Variants in KCNMA1 observed in about 807,000 individuals in gnomAD.
KCNMA1 encodes the protein potassium calcium-activated channel subfamily M alpha 1, also known as Calcium-activated potassium channel subunit alpha-1.
KCNMA1 carries 29 observed loss-of-function variants against 140.0 expected under a neutral mutation model. That is an observed-to-expected ratio of 0.21 (90% CI 0.15 to 0.28). The LOEUF (loss-of-function observed/expected upper bound fraction) is 0.28. KCNMA1 is among the 10% of genes least tolerant of loss of function. The pLI is 1.00. For missense variants in KCNMA1, 880 were observed against 1,602.2 expected, an observed-to-expected ratio of 0.55 and a Z score of 7.70; for synonymous variants, 612 against 611.9, an observed-to-expected ratio of 1.00 and a Z score of 0.00.
intron 1 of KCNMA1, among the ~76,000 whole-genome samples, chr10:77,488,709 C>T (rs985470565): frequency 1.3e-5 from 2 of 152,144 alleles, no homozygotes; most frequent in African/African-American, 4.8e-5. Context: ...AGCACCTCAG[C>T]CCTGGAAGGT....
chr10:77,563,573 C>T (rs12768139), intron 1 of KCNMA1, among the ~76,000 whole-genome samples: 1 of 152,124 alleles, frequency 6.6e-6, no homozygotes, highest in African/African-American at 2.4e-5. Context: ...CTCCTCTACT[C>T]CTTCTACCCT....
At chr10:77,375,485 C>T (rs2154419825) in intron 2 of KCNMA1, among the ~76,000 whole-genome samples, 1 of 152,318 alleles carries the variant, frequency 6.6e-6, no homozygotes, top group African/African-American at 2.4e-5. Flanking sequence ...TGGTGCCTGC[C>T]TGGGGCTACC....
At chr10:77,480,126 C>T (rs2098360626) in intron 1 of KCNMA1, among the ~76,000 whole-genome samples, 1 of 152,246 alleles carries the variant, frequency 6.6e-6, no homozygotes. Context: ...ATACGACGCC[C>T]ATATATGTCA....
At chr10:76,922,699 G>A (rs1300065126) in intron 23 of KCNMA1, among the ~76,000 whole-genome samples, 1 of 152,214 alleles carries the variant, frequency 6.6e-6, no homozygotes, top group Non-Finnish European at 1.5e-5. Flanking sequence ...GAGAGAATGA[G>A]ATAGAGCTCT....
intron 2 of KCNMA1, among the ~76,000 whole-genome samples, chr10:77,394,601 C>T (rs1361823758): frequency 1.3e-5 from 2 of 152,246 alleles, no homozygotes; most frequent in African/African-American, 4.8e-5. Flanking sequence ...TCCATATGTT[C>T]ACCCCAGCTG....
chr10:77,365,216 C>A (rs2094269427), intron 2 of KCNMA1, among the ~76,000 whole-genome samples: 1 of 152,182 alleles, frequency 6.6e-6, no homozygotes, highest in African/African-American at 2.4e-5. Context: ...CACAATCTCA[C>A]TCTCTAGCAC....
At chr10:77,538,496 G>C (rs2059446705) in intron 1 of KCNMA1, among the ~76,000 whole-genome samples, 2 of 152,162 alleles carry the variant, frequency 1.3e-5, no homozygotes, top group African/African-American at 2.4e-5. Context: ...GGACTTCTGA[G>C]TCAACCAGAT....
At chr10:77,389,454 G>A (rs2095733853) in intron 2 of KCNMA1, among the ~76,000 whole-genome samples, 1 of 152,130 alleles carries the variant, frequency 6.6e-6, no homozygotes, top group Admixed American at 6.5e-5. Context: ...ATTTGCAGCA[G>A]TTCAGTCAAA....
intron 14 of KCNMA1, among the ~76,000 whole-genome samples, chr10:77,067,333 C>T (rs1000240582): frequency 7.2e-5 from 11 of 152,174 alleles, no homozygotes; most frequent in African/African-American, 2.7e-4. Flanking sequence ...CAGATCTAGA[C>T]TTATACCATT....
At chr10:77,396,646 T>C (rs1156973565) in intron 2 of KCNMA1, among the ~76,000 whole-genome samples, 2 of 152,184 alleles carry the variant, frequency 1.3e-5, no homozygotes, top group Non-Finnish European at 2.9e-5. Context: ...AAAGATGAAA[T>C]GGTCCAGGCT....
chr10:76,943,697 A>C (rs1371839725), intron 23 of KCNMA1, among the ~76,000 whole-genome samples: 1 of 152,142 alleles, frequency 6.6e-6, no homozygotes, highest in Non-Finnish European at 1.5e-5. Flanking sequence ...GGATTCCAGG[A>C]ACTATTGTTC....
intron 1 of KCNMA1, among the ~76,000 whole-genome samples, chr10:77,474,368 T>G (rs2098232169): frequency 6.6e-6 from 1 of 152,156 alleles, no homozygotes; most frequent in South Asian, 2.1e-4. Context: ...AGGACTGATG[T>G]CTTTATAAGA....
rs969764244 is a variant in KCNMA1, at chr10:77,327,930, G to A, written c.540+75932C>T. Among the ~76,000 whole-genome samples, 18 of 152,256 alleles carry A rather than the reference G, an allele frequency of 1.2e-4. No homozygotes were observed. The Middle Eastern group carries it at 0.01, about 86-fold the overall frequency. On this transcript the variant is annotated intron_variant, in intron 2 of 27. Coordinates refer to ENST00000286628, the MANE Select transcript of KCNMA1 (RefSeq NM_001161352.2). The stretch of plus-strand genomic sequence containing the variant: ...AACACAACCCCAGGAAATAGGCTTT[G>A]AGTATAATAATATTCACAAAGCACA...
chr10:77,215,157 C>T (rs996332496), intron 3 of KCNMA1, among the ~76,000 whole-genome samples: 1 of 152,074 alleles, frequency 6.6e-6, no homozygotes, highest in Non-Finnish European at 1.5e-5. Flanking sequence ...CTACCACCAG[C>T]GACTTGTCAT....
At chr10:77,103,512 T>G (rs2097141709) in intron 9 of KCNMA1, among the ~76,000 whole-genome samples, 1 of 152,182 alleles carries the variant, frequency 6.6e-6, no homozygotes, top group Non-Finnish European at 1.5e-5. Flanking sequence ...TGCAAGGGTA[T>G]AGAAGGCTCT....
intron 1 of KCNMA1, among the ~76,000 whole-genome samples, chr10:77,521,052 C>T (rs2053210051): frequency 6.6e-6 from 1 of 152,236 alleles, no homozygotes; most frequent in Non-Finnish European, 1.5e-5. Flanking sequence ...GGAGCAACTG[C>T]TACGACGTGT....
intron 14 of KCNMA1, among the ~76,000 whole-genome samples, chr10:77,060,722 C>T (rs1045034069): frequency 2.4e-4 from 36 of 152,212 alleles, no homozygotes; most frequent in African/African-American, 8.4e-4. Flanking sequence ...AAGTGATTAA[C>T]GATCTTGTGA....
At chr10:77,008,038 G>A in intron 18 of KCNMA1, 2 of 763,256 alleles carry the variant, frequency 2.6e-6, no homozygotes, top group Non-Finnish European at 4.2e-6. Flanking sequence ...GGATGAAGGA[G>A]TTGGGGCATG....
At chr10:77,002,884 GTGT>G (rs764121589) in intron 18 of KCNMA1, among the ~76,000 whole-genome samples, 6 of 152,136 alleles carry the variant, frequency 3.9e-5, no homozygotes, top group African/African-American at 1.4e-4. Context: ...AACTGAGGAG[GTGT>G]TATTCCCTGC....
Sources: gnomAD v4.1 joint callset for allele counts (sites outside exome capture counted in the v4.1 genomes callset) on GRCh38, gnomAD v4.1.1 for gene constraint, MANE v1.5 for transcripts, NCBI Gene and HGNC (gene_info 2026-07-23, HGNC 2026-07-21) for gene names.